Variants in HERC1 observed in about 807,000 individuals in gnomAD.
HERC1 encodes the protein probable E3 ubiquitin-protein ligase HERC1.
In HERC1, 160 loss-of-function variants were observed where a neutral mutation model predicts 554.3. That is an observed-to-expected ratio of 0.29 (90% CI 0.25 to 0.33). The LOEUF (loss-of-function observed/expected upper bound fraction) is 0.33. HERC1 is among the 10% of genes least tolerant of loss of function. HERC1 has a pLI of 1.00. For synonymous variants in HERC1, 2,175 were observed against 2,131.7 expected (o/e 1.02, Z -0.56); for missense variants, 4,919 against 5,918.5 (o/e 0.83, Z 5.54).
Position 63,680,262 on chromosome 15 carries a change from A to G in HERC1, c.6466-102T>C. 1 of 882,530 alleles carries G rather than the reference A, an allele frequency of 1.1e-6. No homozygotes were observed. The highest frequency in any genetic ancestry group is 2.6e-5 in the East Asian group (1 of 38,982). The allele number at this position is 882,530 out of a possible 1,614,324, so 54.7% of individuals were successfully genotyped here. ...ATTGAAAGCTTTTATGAGACAGAAC[A>G]AAAGTTACTAGATCAAATTCTCAAT... On this transcript the variant is annotated intron_variant, in intron 35 of 77. Transcript: ENST00000443617. The surrounding 1 kb of genome is among the most constrained non-coding windows in gnomAD (Gnocchi z 5.8).
intron 1 of HERC1, among the ~76,000 whole-genome samples, chr15:63,782,286 C>T (rs2076310941): frequency 6.6e-6 from 1 of 152,166 alleles, no homozygotes; most frequent in Non-Finnish European, 1.5e-5. Flanking sequence ...TTGCTAAGGG[C>T]TAACGAAGCT....
At chr15:63,622,993 T>C in intron 73 of HERC1, 102 bp from the exon 74 acceptor site, 2 of 670,090 alleles carry the variant, frequency 3.0e-6, no homozygotes, top group Non-Finnish European at 5.0e-6. Context: ...TTTTGAGGAA[T>C]TTATAATGCC....
chr15:63,706,264 T>TATCTCTTCATGTAAGAGATAAAGC (rs570429158), intron 25 of HERC1, among the ~76,000 whole-genome samples: 1 of 152,034 alleles, frequency 6.6e-6, no homozygotes, highest in Non-Finnish European at 1.5e-5. Flanking sequence ...AGAGATATAA[T>TATCTCTTCATGTAAGAGATAAAGC]ATCTCTTCAT....
At chr15:63,790,532 C>G (rs1033053698) in intron 1 of HERC1, among the ~76,000 whole-genome samples, 1 of 151,880 alleles carries the variant, frequency 6.6e-6, no homozygotes, top group Non-Finnish European at 1.5e-5. Flanking sequence ...GAGCCGAGAT[C>G]GCACCACTGC....
chr15:63,638,194 A>C (rs2068872042), intron 63 of HERC1, among the ~76,000 whole-genome samples: 1 of 152,212 alleles, frequency 6.6e-6, no homozygotes, highest in Admixed American at 6.5e-5. Flanking sequence ...ATGTTAGTTC[A>C]TTAAACTTGA....
chr15:63,728,181 A>C (rs555938738), intron 16 of HERC1, among the ~76,000 whole-genome samples: 13 of 152,338 alleles, frequency 8.5e-5, no homozygotes, highest in African/African-American at 2.4e-4. Context: ...ATTTATTGAC[A>C]TACCAGGCAC....
chr15:63,694,387 G>A lies in HERC1; in HGVS notation c.5405C>T (p.Thr1802Met), dbSNP rs374141345. Reference sequence around the variant, plus strand: ...AGCTGTGCTAAGCTGGGAAACACCCGTCTTTGGCAACAACTGCAGGGGCTG... The same window carrying A: ...AGCTGTGCTAAGCTGGGAAACACCCATCTTTGGCAACAACTGCAGGGGCTG... ...LGQPLQLLPK[T>M]GVSQLSTALK... is the part of the protein sequence containing the mutation. Residue 1802 changes from threonine to methionine, a missense_variant, in exon 29 of 78, where the codon ACG (threonine) becomes ATG (methionine). Transcript: ENST00000443617. The surrounding 1 kb of genome is among the most constrained non-coding windows in gnomAD (Gnocchi z 4.3). 6.2e-6 allele frequency: 10 copies of A among 1,613,824 alleles called. No homozygotes were observed. Among genetic ancestry groups the A allele is most frequent in the Admixed American group, 3.3e-5 (2 of 59,994 alleles).
intron 33 of HERC1, among the ~76,000 whole-genome samples, chr15:63,687,961 A>G (rs7166206): frequency 0.81 from 123,872 of 152,206 alleles, 52,278 homozygotes; most frequent in Non-Finnish European, 0.88. Flanking sequence ...GCAAAAGGGA[A>G]AGGTCAAGGA....
At position 63,694,961 on chromosome 15, in the gene HERC1, A is replaced by G; in HGVS notation, c.5122-67T>C. 7.0e-7 allele frequency: 1 copy of G among 1,424,852 alleles called. No individual in the cohort carries two copies. The highest frequency in any genetic ancestry group is 9.5e-7 in the Non-Finnish European group (1 of 1,047,162). The allele number at this position is 1,424,852 out of a possible 1,614,324, so 88.3% of individuals were successfully genotyped here. On this transcript the variant is annotated intron_variant, in intron 27 of 77. Transcript: ENST00000443617. This position sits in a 1 kb window ranked among gnomAD's most constrained non-coding sequence, Gnocchi z 4.3. ...TAATACCTGCTTGCAAAAAGAAGTA[A>G]TAACATTTTATTTCTAGTCTATGCT... is the stretch of plus-strand genomic sequence containing the variant.
chr15:63,649,311 C>A (rs2069542963), intron 54 of HERC1, among the ~76,000 whole-genome samples: 1 of 152,116 alleles, frequency 6.6e-6, no homozygotes, highest in African/African-American at 2.4e-5. Context: ...CGAGATCGCG[C>A]CACTGCACTT....
Position 63,734,713 on chromosome 15 carries a change from C to T in HERC1, c.2646+11G>A. On this transcript the variant is annotated intron_variant, in intron 13 of 77. Coordinates refer to ENST00000443617, the MANE Select transcript of HERC1 (RefSeq NM_003922.4). The surrounding 1 kb of genome is among the most constrained non-coding windows in gnomAD (Gnocchi z 4.6). ...ACTACTGGTTTACTTACACAGCAAG[C>T]AAAGGCCTACCTGTCCTTTAGATAA... The T allele has an allele frequency of 6.6e-7, 1 of 1,524,710 alleles. No individual in the cohort carries two copies. The highest frequency in any genetic ancestry group is 8.7e-7 in the Non-Finnish European group (1 of 1,144,794). The allele number at this position is 1,524,710 out of a possible 1,614,324, so 94.4% of individuals were successfully genotyped here.
At chr15:63,766,520 G>A (rs935487529) in intron 2 of HERC1, among the ~76,000 whole-genome samples, 2 of 152,152 alleles carry the variant, frequency 1.3e-5, no homozygotes, top group African/African-American at 4.8e-5. Flanking sequence ...CCCAGGAGGC[G>A]GAGGTTGCAG....
chr15:63,760,595 T>C (rs1377837897), intron 3 of HERC1, among the ~76,000 whole-genome samples: 2 of 151,796 alleles, frequency 1.3e-5, no homozygotes, highest in East Asian at 1.9e-4. Flanking sequence ...ATAAATACAG[T>C]AGATAATGCC....
Position 63,634,962 on chromosome 15 carries a change from T to C in HERC1, c.12415-74A>G. ...AAAAAAGTAAATCTGCCATTTTTGG[T>C]ATTAATATAGCAATAAACTTTACAT... is the stretch of plus-strand genomic sequence containing the variant. On this transcript the variant is annotated intron_variant, in intron 65 of 77. Transcript: ENST00000443617. 4.6e-6 allele frequency: 5 copies of C among 1,077,326 alleles called. No homozygotes were observed. In the South Asian group the frequency reaches 7.8e-5, roughly 17 times the overall value. 66.7% of individuals were successfully genotyped at this position (1,077,326 alleles called of 1,614,324 possible). A position where few individuals can be genotyped will look rare whatever the true frequency, so the allele number is the denominator to read the frequency against.
In HERC1 at chr15:63,686,496, T is replaced by C. The variant is rs769757261; in HGVS notation, c.6088A>G (p.Ile2030Val). 3.1e-5 allele frequency: 50 copies of C among 1,613,650 alleles called. No homozygotes were observed. The highest frequency in any genetic ancestry group is 6.7e-5 in the Admixed American group (4 of 59,942). The change falls in exon 34 of 78, where the codon ATC (isoleucine) becomes GTC (valine). Residue 2030 changes from isoleucine to valine, a missense_variant. By Grantham distance (29) the Ile-to-Val change is conservative. Around this residue, in one of 11 missense-constraint regions of HERC1, gnomAD observed 1,121 missense variants for 1,244.0 expected, o/e 0.90. Coordinates refer to ENST00000443617, the MANE Select transcript of HERC1 (RefSeq NM_003922.4). ...ELEEEDENLP[I>V]QEVSFDPEKA... Reference sequence around the variant, plus strand: ...TCCGGGTCAAAGGATACTTCTTGGATAGGAAGATTCTCATCTTCTTCTTCC... The same window carrying C: ...TCCGGGTCAAAGGATACTTCTTGGACAGGAAGATTCTCATCTTCTTCTTCC...
intron 68 of HERC1, among the ~76,000 whole-genome samples, chr15:63,631,830 G>A (rs1324551095): frequency 2.0e-5 from 3 of 152,194 alleles, no homozygotes; most frequent in South Asian, 2.1e-4. Context: ...TGTGAGCCAC[G>A]GCGCCCGGCC....
Position 63,669,780 on chromosome 15 carries a change from T to C in HERC1, c.8046-82A>G, listed in dbSNP as rs1287191587. 6.1e-6 allele frequency: 8 copies of C among 1,309,930 alleles called. No individual in the cohort carries two copies. The East Asian group carries it at 1.2e-4, about 19-fold the overall frequency. The allele number at this position is 1,309,930 out of a possible 1,614,324, so 81.1% of individuals were successfully genotyped here. A position where few individuals can be genotyped will look rare whatever the true frequency, so the allele number is the denominator to read the frequency against. On this transcript the variant is annotated intron_variant, in intron 39 of 77. Transcript: ENST00000443617. ...ATCACAATCTTCTTATAGAAGAATATGCAACCTGGAAGACTAAACAGGTTA... is the reference window on the plus strand; with the variant it reads ...ATCACAATCTTCTTATAGAAGAATACGCAACCTGGAAGACTAAACAGGTTA...
At chr15:63,635,033 ATTT>A in intron 65 of HERC1, 145 bp from the exon 66 acceptor site, 1 of 481,582 alleles carries the variant, frequency 2.1e-6, no homozygotes, top group Non-Finnish European at 3.5e-6. Context: ...GCTTTTAAAA[ATTT>A]TTTTTTTTAA....
chr15:63,706,520 A>G (rs1258870162), intron 25 of HERC1, among the ~76,000 whole-genome samples: 3 of 152,176 alleles, frequency 2.0e-5, no homozygotes, highest in African/African-American at 7.2e-5. Context: ...AAAATACATG[A>G]CAAATGAGAA....
Sources: allele counts gnomAD v4.1 joint callset (sites outside exome capture counted in the v4.1 genomes callset), GRCh38; gene constraint gnomAD v4.1.1; regional missense constraint gnomAD v4.1.1; non-coding constraint Gnocchi (gnomAD v3.1); transcripts MANE v1.5; gene names NCBI Gene and HGNC (gene_info 2026-07-23, HGNC 2026-07-21).